The following ATP8A2 variants were observed in gnomAD, a reference collection of about 807,000 sequenced individuals.
The protein encoded by ATP8A2 is ATPase phospholipid transporting 8A2, also known as phospholipid-transporting ATPase IB.
Under a neutral mutation model 165.6 loss-of-function variants are expected in ATP8A2, and 100 were observed. The observed-to-expected ratio is 0.60, with a 90% CI of 0.51 to 0.71. The LOEUF is 0.71. Among genes scored for constraint, ATP8A2 ranks in the 30% least tolerant of loss-of-function variants. The pLI, the probability that ATP8A2 is intolerant of heterozygous loss-of-function variation, is 0.00. For missense variants in ATP8A2, 1,227 were observed against 1,479.5 expected, an observed-to-expected ratio of 0.83 and a Z score of 2.80; for synonymous variants, 543 against 548.8, an observed-to-expected ratio of 0.99 and a Z score of 0.15.
intron 33 of ATP8A2, among the ~76,000 whole-genome samples, chr13:25,937,362 C>CTTTCTTTCTTTTTTTTTT: frequency 1.3e-4 from 5 of 38,800 alleles, no homozygotes; most frequent in Admixed American, 4.6e-4. Context: ...TTCTTTCTTT[C>CTTTCTTTCTTTTTTTTTT]TTTTTTTTTT....
chr13:25,674,190 C>T (rs1279005575), intron 24 of ATP8A2, among the ~76,000 whole-genome samples: 1 of 152,132 alleles, frequency 6.6e-6, no homozygotes, highest in African/African-American at 2.4e-5. Context: ...AACCTCTGCC[C>T]CTGTTTAGGC....
At chr13:25,681,684 T>C (rs2042491724) in intron 24 of ATP8A2, among the ~76,000 whole-genome samples, 1 of 152,232 alleles carries the variant, frequency 6.6e-6, no homozygotes, top group African/African-American at 2.4e-5. Context: ...TCCTCCTTCT[T>C]AGATATGAGT....
chr13:25,852,918 A>AG (rs397698590), intron 30 of ATP8A2, among the ~76,000 whole-genome samples: 1 of 151,892 alleles, frequency 6.6e-6, no homozygotes, highest in Non-Finnish European at 1.5e-5. Flanking sequence ...AAAAAAAAAA[A>AG]TTACAGTTTC....
At chr13:25,687,360 C>T (rs906872846) in intron 24 of ATP8A2, among the ~76,000 whole-genome samples, 30 of 152,112 alleles carry the variant, frequency 2.0e-4, no homozygotes, top group African/African-American at 6.3e-4. Context: ...TGACAGCTGC[C>T]GGATGTTCAT....
intron 7 of ATP8A2, among the ~76,000 whole-genome samples, chr13:25,540,054 A>G (rs532964679): frequency 2.0e-5 from 3 of 152,234 alleles, no homozygotes; most frequent in Middle Eastern, 3.4e-3. Context: ...TCTTCAGTTC[A>G]TTCCTGTCTT....
intron 1 of ATP8A2, among the ~76,000 whole-genome samples, chr13:25,440,678 C>T (rs1351856051): frequency 2.0e-5 from 3 of 152,166 alleles, no homozygotes; most frequent in African/African-American, 7.2e-5. Flanking sequence ...GCAGTCTACA[C>T]AAGGCATGGG....
rs1278604699 is a variant in ATP8A2 at position 26,020,653 on chromosome 13, T to G, written c.*668T>G. 3 of 153,164 alleles carry G rather than the reference T, an allele frequency of 2.0e-5. No homozygotes were observed. Among genetic ancestry groups the G allele is most frequent in the Admixed American group, 6.5e-5 (1 of 15,298 alleles). The allele number at this position is 153,164 out of a possible 1,614,324, so 9.5% of individuals were successfully genotyped here. On this transcript the variant is annotated 3_prime_UTR_variant, in exon 37 of 37. Coordinates refer to ENST00000381655, the MANE Select transcript of ATP8A2 (RefSeq NM_016529.6). Reference sequence around the variant, plus strand: ...TCTCCAGGTGCACTCGGCCCAGTCCTGCCGCCGTGTCCAGGCGCCCCTCAC... The same window carrying G: ...TCTCCAGGTGCACTCGGCCCAGTCCGGCCGCCGTGTCCAGGCGCCCCTCAC...
At chr13:25,611,187 A>G (rs2040676652) in intron 24 of ATP8A2, among the ~76,000 whole-genome samples, 1 of 152,068 alleles carries the variant, frequency 6.6e-6, no homozygotes, top group Admixed American at 6.6e-5. Flanking sequence ...ACTATGTTGA[A>G]TAGAAGTGGT....
chr13:25,951,239 C>T (rs978541495), intron 33 of ATP8A2, among the ~76,000 whole-genome samples: 7 of 152,322 alleles, frequency 4.6e-5, no homozygotes, highest in African/African-American at 1.7e-4. Context: ...ATAACCCAAA[C>T]ATCCATCAAC....
At chr13:25,864,858 G>A (rs908920164) in intron 33 of ATP8A2, among the ~76,000 whole-genome samples, 6 of 150,734 alleles carry the variant, frequency 4.0e-5, no homozygotes, top group Non-Finnish European at 8.9e-5. Flanking sequence ...TTCCTCCAGG[G>A]CAGGGGGCTC....
At chr13:25,956,298 G>A (rs904507582) in intron 33 of ATP8A2, among the ~76,000 whole-genome samples, 2 of 152,106 alleles carry the variant, frequency 1.3e-5, no homozygotes, top group Admixed American at 6.6e-5. Context: ...AGAAATAAAG[G>A]GTATTCAAAT....
chr13:25,432,181 T>C lies in ATP8A2; in HGVS notation c.77-36796T>C, dbSNP rs570242884. 6.4e-4 allele frequency among the ~76,000 whole-genome samples: 97 copies of C among 152,364 alleles called. 1 individual carries two copies. Among genetic ancestry groups the C allele is most frequent in the South Asian group, 4.6e-3 (22 of 4,834 alleles). On this transcript the variant is annotated intron_variant, in intron 1 of 36. Transcript: ENST00000381655. ...CTTTTTAATGTTTTCATTTTAAAGA[T>C]CTGGGGCTTGATTTGTGCATGAAGA... is the stretch of plus-strand genomic sequence containing the variant.
At chr13:25,602,504 C>A (rs1438069986) in intron 24 of ATP8A2, among the ~76,000 whole-genome samples, 2 of 152,224 alleles carry the variant, frequency 1.3e-5, no homozygotes, top group Admixed American at 1.3e-4. Flanking sequence ...CCCCTTTTTA[C>A]TCCCAAAGTG....
intron 27 of ATP8A2, among the ~76,000 whole-genome samples, chr13:25,783,233 C>G (rs1431013759): frequency 6.6e-6 from 1 of 152,180 alleles, no homozygotes. Flanking sequence ...ATCCCAAGAG[C>G]ATCTGGGCTT....
At chr13:25,821,385 G>A (rs748725592) in intron 27 of ATP8A2, among the ~76,000 whole-genome samples, 18 of 152,250 alleles carry the variant, frequency 1.2e-4, no homozygotes, top group East Asian at 3.9e-4. Flanking sequence ...TGATTATACC[G>A]AATTCACTCA....
chr13:25,969,214 G>A (rs897416138), intron 35 of ATP8A2, among the ~76,000 whole-genome samples: 1 of 152,130 alleles, frequency 6.6e-6, no homozygotes, highest in African/African-American at 2.4e-5. Flanking sequence ...AGACACTGCC[G>A]CTTGCTCTCC....
In ATP8A2 at chr13:25,656,655, T is replaced by G. The variant is rs2041934642; in HGVS notation, c.2212-42518T>G. 1.3e-4 allele frequency among the ~76,000 whole-genome samples: 19 copies of G among 149,694 alleles called. No homozygotes were observed. The South Asian group carries it at 4.2e-3, about 33-fold the overall frequency. ...TAACCTATTATTAACATACATTTTCTGGCTGGGCATGGGAGGCAGAGGTTG... is the reference window on the plus strand; with the variant it reads ...TAACCTATTATTAACATACATTTTCGGGCTGGGCATGGGAGGCAGAGGTTG... On this transcript the variant is annotated intron_variant, in intron 24 of 36. Coordinates refer to ENST00000381655, the MANE Select transcript of ATP8A2 (RefSeq NM_016529.6).
intron 13 of ATP8A2, among the ~76,000 whole-genome samples, chr13:25,557,614 TTG>T (rs1206183704): frequency 6.6e-6 from 1 of 152,172 alleles, no homozygotes; most frequent in East Asian, 1.9e-4. Context: ...TCTGGAGACT[TTG>T]TGAGGGCGTG....
intron 35 of ATP8A2, among the ~76,000 whole-genome samples, chr13:26,000,232 C>G (rs1956606390): frequency 6.6e-6 from 1 of 152,124 alleles, no homozygotes. Flanking sequence ...TGCCCAGTAG[C>G]TAATTTAAAA....
Sources: gnomAD v4.1 joint callset for allele counts (sites outside exome capture counted in the v4.1 genomes callset) on GRCh38, gnomAD v4.1.1 for gene constraint, MANE v1.5 for transcripts, NCBI Gene and HGNC (gene_info 2026-07-23, HGNC 2026-07-21) for gene names.